Variants in DGCR6L observed in about 807,000 individuals in gnomAD.
The protein encoded by DGCR6L is protein DGCR6L.
A neutral mutation model predicts 31.1 loss-of-function variants in DGCR6L; 24 were observed. The observed-to-expected ratio is 0.77, with a 90% CI of 0.56 to 1.08. The LOEUF (loss-of-function observed/expected upper bound fraction) is 1.08, where lower values mean the gene tolerates loss of function less well. DGCR6L is among the 50% of genes least tolerant of loss of function. DGCR6L has a pLI of 0.00. For synonymous variants in DGCR6L, 104 were observed against 126.1 expected (o/e 0.82, Z 1.17); for missense variants, 218 against 287.1 (o/e 0.76, Z 1.74).
At chr22:20,319,845 C>T in intron 1 of DGCR6L, 34 bp downstream of exon 1, 1 of 1,589,886 alleles carries the variant, frequency 6.3e-7, no homozygotes. Flanking sequence ...AACGAAGCCG[C>T]CTCCGCAGGC....
chr22:20,317,910 T>C (rs931892295), intron 2 of DGCR6L, among the ~76,000 whole-genome samples: 2 of 152,184 alleles, frequency 1.3e-5, no homozygotes, highest in African/African-American at 2.4e-5. Context: ...TAATGCCAAT[T>C]CTACACAAAC....
intron 2 of DGCR6L, among the ~76,000 whole-genome samples, chr22:20,317,839 C>T (rs191670739): frequency 4.3e-4 from 65 of 152,344 alleles, no homozygotes; most frequent in Non-Finnish European, 6.6e-4. Flanking sequence ...AAACTACATA[C>T]ATCTTACAGC....
chr22:20,314,725 G>A lies in DGCR6L; in HGVS notation c.613C>T (p.Gln205Ter). Residue 205 changes from glutamine to a stop codon, truncating the protein, a stop_gained, in exon 5 of 5, where the codon CAG becomes TAG. Coordinates refer to ENST00000248879, the MANE Select transcript of DGCR6L (RefSeq NM_033257.4). LOFTEE classifies it high-confidence loss of function. ...NAALGLGGPWQSPAAQCDQKG... is the reference protein window; with the variant it reads ...NAALGLGGPW ...TGGTCACACTGGGCAGCAGGCGACTGCCAGGGACCTCCCAGTCCCAGGGCT... is the reference window on the plus strand; with the variant it reads ...TGGTCACACTGGGCAGCAGGCGACTACCAGGGACCTCCCAGTCCCAGGGCT... The A allele has an allele frequency of 6.2e-7, 1 of 1,611,512 alleles. No individual in the cohort carries two copies. The highest frequency in any genetic ancestry group is 8.5e-7 in the Non-Finnish European group (1 of 1,179,330).
intron 3 of DGCR6L, 120 bp downstream of exon 3, chr22:20,315,999 C>G: frequency 4.0e-6 from 5 of 1,236,094 alleles, no homozygotes; most frequent in Non-Finnish European, 5.5e-6. Flanking sequence ...GTGTCCCACT[C>G]AGGCCCAGGA....
intron 2 of DGCR6L, 77 bp downstream of exon 2, chr22:20,319,562 A>C: frequency 2.6e-6 from 4 of 1,562,986 alleles, no homozygotes; most frequent in Non-Finnish European, 2.6e-6. Flanking sequence ...GAAGGAGCTG[A>C]TCTGCACAGA....
In DGCR6L at chr22:20,315,535, C is replaced by T. The variant is rs1443882292; in HGVS notation, c.373-59G>A. Reference sequence around the variant, plus strand: ...TGAGGGCAGCTCTGCCATCAGGGGGCGGGGAGGTGAGGGCAGCTCAAACAC... The same window carrying T: ...TGAGGGCAGCTCTGCCATCAGGGGGTGGGGAGGTGAGGGCAGCTCAAACAC... On this transcript the variant is annotated intron_variant, in intron 3 of 4. Coordinates refer to ENST00000248879, the MANE Select transcript of DGCR6L (RefSeq NM_033257.4). 56 of 1,583,162 alleles carry T rather than the reference C, an allele frequency of 3.5e-5. 1 individual carries two copies. In the South Asian group the frequency reaches 5.3e-4, roughly 15 times the overall value.
At chr22:20,315,093 C>T (rs1479928204) in intron 4 of DGCR6L, 19 of 1,192,432 alleles carry the variant, frequency 1.6e-5, no homozygotes, top group Non-Finnish European at 2.2e-5. Context: ...CAGAAGAGGG[C>T]CCTGTGTGGC....
In DGCR6L at chr22:20,319,783, G is replaced by A. The variant is rs397843883; in HGVS notation, c.127C>T (p.Leu43=). The change falls in exon 2 of 5, where the codon CTG becomes TTG. Residue 43 remains leucine (L), a synonymous_variant. Transcript: ENST00000248879. ...KELPSSFQQR[L]SYTTLSDLAL... ...AGGTCGCTGAGCGTGGTGTAGGACA[G>A]GCGCTGCTGGAAAGAGCTGCGGGTA... The A allele has an allele frequency of 2.9e-5, 46 of 1,611,424 alleles. No individual in the cohort carries two copies. Among genetic ancestry groups the A allele is most frequent in the Non-Finnish European group, 3.6e-5 (42 of 1,179,030 alleles).
In DGCR6L at chr22:20,314,522, C is replaced by T; in HGVS notation, c.*153G>A. The T allele has an allele frequency of 8.5e-7, 1 of 1,179,676 alleles. No individual in the cohort carries two copies. The highest frequency in any genetic ancestry group is 1.2e-6 in the Non-Finnish European group (1 of 855,258). 73.1% of individuals were successfully genotyped at this position (1,179,676 alleles called of 1,614,324 possible). A position where few individuals can be genotyped will look rare whatever the true frequency, so the allele number is the denominator to read the frequency against. On this transcript the variant is annotated 3_prime_UTR_variant, in exon 5 of 5. Coordinates refer to ENST00000248879, the MANE Select transcript of DGCR6L (RefSeq NM_033257.4). ...CCAGCCTCCCCTTTATGAGACTATC[C>T]TAGGGTTTGACAGCAAGTCCCAGAT...
At chr22:20,315,600 C>A in intron 3 of DGCR6L, 124 bp from the exon 4 acceptor site, 1 of 1,418,522 alleles carries the variant, frequency 7.0e-7, no homozygotes, top group Non-Finnish European at 9.4e-7. Context: ...AGCTCTGACA[C>A]CACCGGTGCA....
chr22:20,315,752 G>C (rs919752571), intron 3 of DGCR6L, among the ~76,000 whole-genome samples: 7 of 152,164 alleles, frequency 4.6e-5, no homozygotes, highest in Non-Finnish European at 8.8e-5. Flanking sequence ...CGGCTTGTTG[G>C]TTACATGCCA....
In DGCR6L at chr22:20,314,753, A is replaced by C. The variant is rs1056804; in HGVS notation, c.585T>G (p.Asn195Lys). 8 of 1,612,134 alleles carry C rather than the reference A, an allele frequency of 5.0e-6. No individual in the cohort carries two copies. The highest frequency in any genetic ancestry group is 2.7e-5 in the African/African-American group (2 of 74,890). ...KLQQRGCRAG[N>K]AALGLGGPWQ... ...AGGGACCTCCCAGTCCCAGGGCTGC[A>C]TTCCCTGCCCGGCAGCCCCTCTGCT... The change falls in exon 5 of 5, where the codon AAT becomes AAG. Residue 195 changes from asparagine to lysine, a missense_variant. Transcript: ENST00000248879.
chr22:20,318,986 G>A (rs961943481), intron 2 of DGCR6L, among the ~76,000 whole-genome samples: 8 of 152,204 alleles, frequency 5.3e-5, no homozygotes, highest in African/African-American at 1.4e-4. Context: ...GAGCACAAGC[G>A]TATGCACTAT....
chr22:20,319,679 G>T lies in DGCR6L; in HGVS notation c.231C>A (p.Ser77Arg), dbSNP rs1363749329. The T allele has an allele frequency of 3.7e-6, 6 of 1,612,102 alleles. No individual in the cohort carries two copies. The South Asian group carries it at 6.6e-5, about 18-fold the overall frequency. The change falls in exon 2 of 5, where the codon AGC becomes AGA. Residue 77 changes from serine (S) to arginine (R), a missense_variant. Physicochemically the swap from Ser to Arg is moderately radical, Grantham distance 110. Transcript: ENST00000248879. ...LLEIQHLTEKSLYNQRLRLQN... is the reference protein window; with the variant it reads ...LLEIQHLTEKRLYNQRLRLQN... Reference sequence around the variant, plus strand: ...GTAGGCGCAGGCGCTGGTTGTACAGGCTCTTTTCGGTGAGGTGCTGGATCT... The same window carrying T: ...GTAGGCGCAGGCGCTGGTTGTACAGTCTCTTTTCGGTGAGGTGCTGGATCT...
At position 20,319,878 on chromosome 22, in the gene DGCR6L, C is replaced by G. The variant is rs2051597041; in HGVS notation, c.110+1G>C. ...GGCCTCCGCCCGCCCCGCCTGCGTA[C>G]CTGGGCAACTCCTTCACCAGGCTCT... On this transcript the variant is annotated splice_donor_variant, in intron 1 of 4. Transcript: ENST00000248879. LOFTEE classifies it high-confidence loss of function. 1.2e-6 allele frequency: 2 copies of G among 1,609,536 alleles called. No homozygotes were observed. The highest frequency in any genetic ancestry group is 1.3e-5 in the African/African-American group (1 of 74,988).
At chr22:20,319,221 C>A (rs902082097) in intron 2 of DGCR6L, among the ~76,000 whole-genome samples, 2 of 152,182 alleles carry the variant, frequency 1.3e-5, no homozygotes, top group Non-Finnish European at 2.9e-5. Flanking sequence ...TGGAATGAGG[C>A]CCTGCGAGGC....
chr22:20,320,060 C>T lies in DGCR6L; in HGVS notation c.-72G>A, dbSNP rs2051599632. On this transcript the variant is annotated 5_prime_UTR_variant, in exon 1 of 5. Coordinates refer to ENST00000248879, the MANE Select transcript of DGCR6L (RefSeq NM_033257.4). ...GCTTCACGACATCCCGAGCGCGGCG[C>T]GTCCCGCCCCTTTTACGATTGTCCC... The T allele has an allele frequency of 5.5e-6, 8 of 1,448,236 alleles. No individual in the cohort carries two copies. The Admixed American group carries it at 2.2e-4, about 41-fold the overall frequency. 89.7% of individuals were successfully genotyped at this position (1,448,236 alleles called of 1,614,324 possible). A position where few individuals can be genotyped will look rare whatever the true frequency, so the allele number is the denominator to read the frequency against.
chr22:20,319,588 G>C (rs1202988370), intron 2 of DGCR6L, 51 bp downstream of exon 2: 2 of 1,595,938 alleles, frequency 1.3e-6, no homozygotes, highest in South Asian at 1.1e-5. Flanking sequence ...AGAGCTGCCC[G>C]GAGGCGCCGA....
chr22:20,317,493 G>A (rs2051579464), intron 2 of DGCR6L, among the ~76,000 whole-genome samples: 1 of 152,264 alleles, frequency 6.6e-6, no homozygotes, highest in African/African-American at 2.4e-5. Context: ...AAATCAGCAG[G>A]AGAAGCAGAA....
Sources: allele counts gnomAD v4.1 joint callset (sites outside exome capture counted in the v4.1 genomes callset), GRCh38; gene constraint gnomAD v4.1.1; transcripts MANE v1.5; gene names NCBI Gene and HGNC (gene_info 2026-07-23, HGNC 2026-07-21).